Variants in ZEB1 observed in about 807,000 individuals in gnomAD.
The protein encoded by ZEB1 is zinc finger E-box binding homeobox 1, also known as zinc finger E-box-binding homeobox 1.
In ZEB1, 21 loss-of-function variants were observed where a neutral mutation model predicts 84.9. The observed-to-expected ratio is 0.25, with a 90% CI of 0.18 to 0.36. The LOEUF (loss-of-function observed/expected upper bound fraction) is 0.36. ZEB1 is among the 10% of genes least tolerant of loss of function. ZEB1 has a pLI of 1.00. For synonymous variants in ZEB1, 420 were observed against 471.1 expected, an observed-to-expected ratio of 0.89 and a Z score of 1.41; for missense variants, 1,104 against 1,330.2, an observed-to-expected ratio of 0.83 and a Z score of 2.65.
Position 31,520,550 on chromosome 10 carries a change from A to T in ZEB1, c.1218A>T (p.Ile406=), listed in dbSNP as rs768717958. 1.5e-5 allele frequency: 25 copies of T among 1,613,942 alleles called. No homozygotes were observed. Among genetic ancestry groups the T allele is most frequent in the Non-Finnish European group, 2.1e-5 (25 of 1,179,902 alleles). The change falls in exon 7 of 9, where the codon ATA becomes ATT. Residue 406 remains isoleucine (I), a synonymous_variant. Transcript: ENST00000424869. The surrounding 1 kb of genome is among the most constrained non-coding windows in gnomAD (Gnocchi z 5.1). The part of the protein sequence containing the change: ...VLPTVGLVSP[I]SINLSDIQNV... ...CAACAGTTGGTTTGGTGTCTCCCATAAGTATCAATTTAAGTGATATTCAGA... is the reference window on the plus strand; with the variant it reads ...CAACAGTTGGTTTGGTGTCTCCCATTAGTATCAATTTAAGTGATATTCAGA...
intron 1 of ZEB1, among the ~76,000 whole-genome samples, chr10:31,448,104 G>T (rs1222290624): frequency 2.7e-4 from 39 of 145,142 alleles, no homozygotes; most frequent in Non-Finnish European, 4.4e-4. Context: ...TGGAGGCTTT[G>T]CTCATTTCTT....
intron 1 of ZEB1, among the ~76,000 whole-genome samples, chr10:31,400,059 T>G (rs2051639703): frequency 6.6e-6 from 1 of 152,200 alleles, no homozygotes; most frequent in African/African-American, 2.4e-5. Context: ...AGATTTCCCC[T>G]ACTTCACCCC....
intron 1 of ZEB1, among the ~76,000 whole-genome samples, chr10:31,391,955 A>G (rs1033055373): frequency 6.6e-6 from 1 of 152,206 alleles, no homozygotes; most frequent in African/African-American, 2.4e-5. Flanking sequence ...TGATCATTTT[A>G]CTGATAAACT....
At chr10:31,344,965 G>A (rs1331144409) in intron 1 of ZEB1, among the ~76,000 whole-genome samples, 1 of 152,042 alleles carries the variant, frequency 6.6e-6, no homozygotes, top group African/African-American at 2.4e-5. Context: ...ATTACCAGAG[G>A]AGATGTCTGA....
chr10:31,426,731 T>C (rs2056978470), intron 1 of ZEB1, among the ~76,000 whole-genome samples: 1 of 152,068 alleles, frequency 6.6e-6, no homozygotes, highest in Non-Finnish European at 1.5e-5. Flanking sequence ...TGATTTACCC[T>C]CTACCTAAAC....
chr10:31,349,711 A>G (rs555710307), intron 1 of ZEB1, among the ~76,000 whole-genome samples: 2 of 152,250 alleles, frequency 1.3e-5, no homozygotes, highest in Admixed American at 6.5e-5. Flanking sequence ...GGCAATTTGT[A>G]TGTCATCCCT....
chr10:31,325,782 T>C (rs2035347703), intron 1 of ZEB1, among the ~76,000 whole-genome samples: 1 of 152,050 alleles, frequency 6.6e-6, no homozygotes, highest in South Asian at 2.1e-4. Flanking sequence ...TAAAATATTC[T>C]AATTTTAAAT....
upstream of ZEB1, chr10:31,319,045 G>A: frequency 1.6e-6 from 1 of 636,784 alleles, no homozygotes; most frequent in South Asian, 1.8e-5. Flanking sequence ...CAAACCGCCC[G>A]GTCCCTAGCA....
At chr10:31,434,773 G>T (rs577252163) in intron 1 of ZEB1, among the ~76,000 whole-genome samples, 2 of 152,090 alleles carry the variant, frequency 1.3e-5, no homozygotes, top group African/African-American at 4.8e-5. Context: ...ATACAAAAGC[G>T]CAAAGAACAA....
chr10:31,427,730 G>A (rs954263165), intron 1 of ZEB1, among the ~76,000 whole-genome samples: 11 of 152,008 alleles, frequency 7.2e-5, no homozygotes, highest in African/African-American at 2.7e-4. Flanking sequence ...GTGGTGGCGG[G>A]CGCCTGTAGT....
intron 1 of ZEB1, among the ~76,000 whole-genome samples, chr10:31,399,807 C>G (rs2051575910): frequency 6.6e-6 from 1 of 152,170 alleles, no homozygotes; most frequent in South Asian, 2.1e-4. Flanking sequence ...GCTGTCATTC[C>G]CAGACAGCCA....
At chr10:31,503,371 T>C (rs1057115379) in intron 4 of ZEB1, among the ~76,000 whole-genome samples, 22 of 152,274 alleles carry the variant, frequency 1.4e-4, no homozygotes, top group African/African-American at 5.3e-4. Flanking sequence ...ATAAAGCATT[T>C]TGAAGTATTC....
chr10:31,388,319 A>C (rs992740644), intron 1 of ZEB1, among the ~76,000 whole-genome samples: 19 of 152,116 alleles, frequency 1.2e-4, no homozygotes, highest in African/African-American at 4.6e-4. Context: ...TAAAGCTCTT[A>C]AAGTGATCCT....
At chr10:31,341,450 A>G (rs966158481) in intron 1 of ZEB1, among the ~76,000 whole-genome samples, 2 of 152,166 alleles carry the variant, frequency 1.3e-5, no homozygotes, top group African/African-American at 4.8e-5. Context: ...AACAGAGTGA[A>G]TATATGAATA....
rs778320489 is a variant in ZEB1 at position 31,527,241 on chromosome 10, G to A, written c.3355G>A (p.Glu1119Lys). 6.2e-7 allele frequency: 1 copy of A among 1,608,190 alleles called. No individual in the cohort carries two copies. The highest frequency in any genetic ancestry group is 1.7e-5 in the Admixed American group (1 of 59,958). ...KVGESSEQVS[E>K]EKTNEA Reference sequence around the variant, plus strand: ...AGGCGAGAGTAGTGAGCAAGTGTCTGAAGAAAAGACAAATGAAGCCTAATC... The same window carrying A: ...AGGCGAGAGTAGTGAGCAAGTGTCTAAAGAAAAGACAAATGAAGCCTAATC... Residue 1119 changes from glutamate (E) to lysine (K), a missense_variant, in exon 9 of 9, where the codon GAA (glutamate) becomes AAA (lysine). Around this residue, in one of 7 missense-constraint regions of ZEB1, gnomAD observed 173 missense variants for 167.0 expected, o/e 1.04. Coordinates refer to ENST00000424869, the MANE Select transcript of ZEB1 (RefSeq NM_001174096.2).
chr10:31,510,988 C>G (rs1339739935), intron 5 of ZEB1, 113 bp downstream of exon 5: 21 of 982,092 alleles, frequency 2.1e-5, no homozygotes, highest in Non-Finnish European at 3.0e-5. Flanking sequence ...CTAAACAGTG[C>G]TATATCTGCA....
intron 1 of ZEB1, among the ~76,000 whole-genome samples, chr10:31,415,483 T>C (rs1399374205): frequency 6.6e-6 from 1 of 152,114 alleles, no homozygotes; most frequent in African/African-American, 2.4e-5. Context: ...GTTCGTTTTC[T>C]AATTTTTCTC....
chr10:31,338,708 C>T (rs552257106), intron 1 of ZEB1, among the ~76,000 whole-genome samples: 5 of 152,170 alleles, frequency 3.3e-5, no homozygotes, highest in African/African-American at 1.2e-4. Flanking sequence ...TGTGTCCGTA[C>T]GTTCATGAGA....
intron 2 of ZEB1, among the ~76,000 whole-genome samples, chr10:31,467,968 G>A (rs12570418): frequency 0.052 from 7,848 of 152,198 alleles, 587 homozygotes; most frequent in East Asian, 0.18. Flanking sequence ...ACTGGAGGGA[G>A]ACCCACCAGT....
Sources: allele counts gnomAD v4.1 joint callset (sites outside exome capture counted in the v4.1 genomes callset), GRCh38; gene constraint gnomAD v4.1.1; regional missense constraint gnomAD v4.1.1; non-coding constraint Gnocchi (gnomAD v3.1); transcripts MANE v1.5; gene names NCBI Gene and HGNC (gene_info 2026-07-23, HGNC 2026-07-21).